Variants in C1orf94 observed in about 807,000 individuals in gnomAD.
C1orf94 encodes chromosome 1 open reading frame 94, also known as uncharacterized protein C1orf94.
In C1orf94, 45 loss-of-function variants were observed where a neutral mutation model predicts 53.6. That is an observed-to-expected ratio of 0.84 (90% CI 0.66 to 1.08). The LOEUF is 1.08. C1orf94 is among the 50% of genes least tolerant of loss of function. The probability of loss-of-function intolerance (pLI) is 0.00; values close to 1 mark genes in which losing one functional copy is unlikely to be tolerated. For missense variants in C1orf94, 762 were observed against 738.9 expected (o/e 1.03, Z -0.36); for synonymous variants, 304 against 296.1 (o/e 1.03, Z -0.27).
upstream of C1orf94, among the ~76,000 whole-genome samples, chr1:34,174,863 G>T (rs966706337): frequency 6.6e-6 from 1 of 152,190 alleles, no homozygotes; most frequent in African/African-American, 2.4e-5. Context: ...CTCAGAATCT[G>T]AACCCAGGGA....
intron 1 of C1orf94, among the ~76,000 whole-genome samples, chr1:34,180,932 C>T (rs139090476): frequency 5.3e-4 from 81 of 152,252 alleles, no homozygotes; most frequent in Middle Eastern, 3.4e-3. Flanking sequence ...AGCCATCTTC[C>T]GCTGCTCGAA....
intron 1 of C1orf94, among the ~76,000 whole-genome samples, chr1:34,182,758 G>A (rs368031528): frequency 3.9e-5 from 6 of 152,166 alleles, no homozygotes; most frequent in Admixed American, 2.0e-4. Context: ...TGTTGAGACC[G>A]AACACTGGCA....
intron 5 of C1orf94, among the ~76,000 whole-genome samples, chr1:34,210,046 G>A (rs17557225): frequency 0.036 from 5,498 of 152,254 alleles, 171 homozygotes; most frequent in South Asian, 0.097. Flanking sequence ...TTTTGTCAGT[G>A]AGGATTATAT....
chr1:34,172,898 T>C (rs926988095), upstream of C1orf94, among the ~76,000 whole-genome samples: 3 of 152,218 alleles, frequency 2.0e-5, no homozygotes, highest in African/African-American at 7.2e-5. Context: ...CTCCTATGCA[T>C]GGATCCTGCC....
chr1:34,217,582 A>C (rs1256989233), intron 6 of C1orf94, among the ~76,000 whole-genome samples: 1 of 152,206 alleles, frequency 6.6e-6, no homozygotes, highest in African/African-American at 2.4e-5. Flanking sequence ...ATGATATGAA[A>C]TAGGTAAAGT....
rs189449402 is a variant in C1orf94 at position 34,209,813 on chromosome 1, C to T, written c.1524+1579C>T. ...GCCTCCACCCCTTGAACAAGAATAT[C>T]GTCCACCTGGCTCCAGAGAGAATAT... On this transcript the variant is annotated intron_variant, in intron 5 of 6. Coordinates refer to ENST00000488417, the MANE Select transcript of C1orf94 (RefSeq NM_001134734.2). 1.9e-3 allele frequency among the ~76,000 whole-genome samples: 293 copies of T among 152,216 alleles called. 1 individual carries two copies. Among genetic ancestry groups the T allele is most frequent in the Middle Eastern group, 3.4e-3 (1 of 294 alleles).
At chr1:34,182,388 G>C (rs1346568489) in intron 1 of C1orf94, among the ~76,000 whole-genome samples, 2 of 152,098 alleles carry the variant, frequency 1.3e-5, no homozygotes, top group Admixed American at 6.5e-5. Context: ...CACATGTTAT[G>C]GAACACTTTT....
At chr1:34,168,329 G>A (rs756340065) in intron 1 of C1orf94, among the ~76,000 whole-genome samples, 12 of 152,074 alleles carry the variant, frequency 7.9e-5, no homozygotes, top group Non-Finnish European at 1.5e-4. Flanking sequence ...AAGCAAGGCA[G>A]CCATGCAAAG....
chr1:34,176,279 C>A (rs547330541), upstream of C1orf94, among the ~76,000 whole-genome samples: 1 of 152,138 alleles, frequency 6.6e-6, no homozygotes, highest in African/African-American at 2.4e-5. Flanking sequence ...TTCTTTCTTC[C>A]GTCTCCACCC....
intron 3 of C1orf94, among the ~76,000 whole-genome samples, chr1:34,201,770 G>C (rs1002013398): frequency 3.9e-5 from 6 of 152,198 alleles, no homozygotes; most frequent in Admixed American, 3.3e-4. Context: ...CATTTTGTAA[G>C]TAGGTGAAAT....
chr1:34,176,955 C>T lies in C1orf94; in HGVS notation c.-835C>T, dbSNP rs1345611005. Among the ~76,000 whole-genome samples, 1 of 152,110 alleles carries T rather than the reference C, an allele frequency of 6.6e-6. No homozygotes were observed. The highest frequency in any genetic ancestry group is 2.1e-4 in the South Asian group (1 of 4,822). ...AACCCACAGAAAGAATTCCCCCGCT[C>T]GACGACGGCGAGGGTGTGGGAGCTA... On this transcript the variant is annotated 5_prime_UTR_variant, in exon 1 of 7. Coordinates refer to ENST00000488417, the MANE Select transcript of C1orf94 (RefSeq NM_001134734.2).
chr1:34,203,572 A>G (rs1251000842), intron 4 of C1orf94, among the ~76,000 whole-genome samples: 1 of 152,176 alleles, frequency 6.6e-6, no homozygotes, highest in Non-Finnish European at 1.5e-5. Context: ...CCGTGGAATG[A>G]GTGTATATGG....
chr1:34,204,625 G>A (rs985235818), intron 4 of C1orf94, among the ~76,000 whole-genome samples: 2 of 152,090 alleles, frequency 1.3e-5, no homozygotes, highest in South Asian at 2.1e-4. Flanking sequence ...ACCTACTCAC[G>A]ATTTACTCAT....
chr1:34,212,483 A>G, intron 6 of C1orf94, 77 bp downstream of exon 6: 4 of 1,409,860 alleles, frequency 2.8e-6, no homozygotes, highest in Non-Finnish European at 3.8e-6. Flanking sequence ...TGGGCTTACC[A>G]GCGCTTTCTT....
intron 1 of C1orf94, 138 bp downstream of exon 1, chr1:34,178,247 T>A (rs1642260408): frequency 1.1e-6 from 1 of 952,130 alleles, no homozygotes; most frequent in Non-Finnish European, 1.5e-6. Context: ...TGGTCCTTTG[T>A]CCAAGCTTTA....
At chr1:34,175,328 G>A (rs891154563), upstream of C1orf94, among the ~76,000 whole-genome samples, 12 of 152,134 alleles carry the variant, frequency 7.9e-5, no homozygotes, top group East Asian at 3.9e-4. Flanking sequence ...GTGCAGGGTC[G>A]TTGGCGTTCT....
chr1:34,168,894 G>C (rs924492909), intron 1 of C1orf94, among the ~76,000 whole-genome samples: 2 of 152,106 alleles, frequency 1.3e-5, no homozygotes, highest in Non-Finnish European at 2.9e-5. Context: ...AATTTGGGTG[G>C]GGGGGCACAC....
intron 1 of C1orf94, among the ~76,000 whole-genome samples, chr1:34,185,411 C>T (rs1642370685): frequency 6.6e-6 from 1 of 152,202 alleles, no homozygotes; most frequent in Non-Finnish European, 1.5e-5. Flanking sequence ...GACTCCTGAT[C>T]TCAGGTGATC....
chr1:34,197,279 G>A lies in C1orf94; in HGVS notation c.375G>A (p.Glu125=). 1 of 1,551,138 alleles carries A rather than the reference G, an allele frequency of 6.4e-7. No homozygotes were observed. The highest frequency in any genetic ancestry group is 8.7e-7 in the Non-Finnish European group (1 of 1,146,590). The change falls in exon 2 of 7, where the codon GAG becomes GAA. Residue 125 remains glutamate, a synonymous_variant. Transcript: ENST00000488417. This position sits in a 1 kb window ranked among gnomAD's most constrained non-coding sequence, Gnocchi z 4.1. ...AGATCTCCTTGTTGGTGGAACAGGA[G>A]TTCCTAAGCCTCACCAAAGAGCACT... ...KDEISLLVEQ[E]FLSLTKEHSI...
Sources: gnomAD v4.1 joint callset for allele counts (sites outside exome capture counted in the v4.1 genomes callset) on GRCh38, gnomAD v4.1.1 for gene constraint, Gnocchi (gnomAD v3.1) non-coding constraint, MANE v1.5 for transcripts, NCBI Gene and HGNC (gene_info 2026-07-23, HGNC 2026-07-21) for gene names.